The following ST8SIA1 variants were observed in gnomAD, a reference collection of about 807,000 sequenced individuals.
ST8SIA1 encodes the protein ST8 alpha-N-acetyl-neuraminide alpha-2,8-sialyltransferase 1.
ST8SIA1 carries 16 observed loss-of-function variants against 35.9 expected under a neutral mutation model. The ratio of observed to expected loss-of-function variants is 0.45; its 90% CI spans 0.30 to 0.68. The LOEUF is 0.68. Among genes scored for constraint, ST8SIA1 ranks in the 30% least tolerant of loss-of-function variants. ST8SIA1 has a pLI of 0.09. For missense variants in ST8SIA1, 383 were observed against 453.6 expected, an observed-to-expected ratio of 0.84 and a Z score of 1.41; for synonymous variants, 170 against 169.6, an observed-to-expected ratio of 1.00 and a Z score of -0.02.
intron 1 of ST8SIA1, among the ~76,000 whole-genome samples, chr12:22,291,255 A>G (rs1018163809): frequency 8.5e-5 from 13 of 152,228 alleles, no homozygotes; most frequent in African/African-American, 2.9e-4. Context: ...TATGCCTAGG[A>G]TCAGAGTGAA....
chr12:22,248,197 A>T (rs7312306), intron 4 of ST8SIA1, among the ~76,000 whole-genome samples: 116,552 of 152,080 alleles, frequency 0.77, 44,764 homozygotes, highest in Middle Eastern at 0.87. Flanking sequence ...ACACATGCTG[A>T]TCACTTGGAC....
intron 2 of ST8SIA1, among the ~76,000 whole-genome samples, chr12:22,270,084 C>T (rs747203722): frequency 1.3e-5 from 2 of 152,078 alleles, no homozygotes; most frequent in African/African-American, 2.4e-5. Flanking sequence ...AGCATATTAC[C>T]TAATTTGAAA....
intron 4 of ST8SIA1, among the ~76,000 whole-genome samples, chr12:22,206,137 C>A (rs1865106513): frequency 6.6e-6 from 1 of 152,108 alleles, no homozygotes; most frequent in African/African-American, 2.4e-5. Context: ...AAAGCTCTCA[C>A]CTCCTATGAC....
rs989626446 is a variant in ST8SIA1, at chr12:22,260,092, T to G, written c.382-4703A>C. Among the ~76,000 whole-genome samples, 194 of 152,200 alleles carry G rather than the reference T, an allele frequency of 1.3e-3. 4 individuals are homozygous for G. Among genetic ancestry groups the G allele is most frequent in the Non-Finnish European group, 2.9e-5 (2 of 68,006 alleles). On this transcript the variant is annotated intron_variant, in intron 2 of 4. Coordinates refer to ENST00000396037, the MANE Select transcript of ST8SIA1 (RefSeq NM_003034.4). ...CACTCTTGCTAACCTTAAAAAAATCTACTCTAAATGCAAGGATAGATTAGA... is the reference window on the plus strand; with the variant it reads ...CACTCTTGCTAACCTTAAAAAAATCGACTCTAAATGCAAGGATAGATTAGA...
At chr12:22,248,091 C>T (rs557912805) in intron 4 of ST8SIA1, among the ~76,000 whole-genome samples, 7 of 152,138 alleles carry the variant, frequency 4.6e-5, no homozygotes, top group Non-Finnish European at 8.8e-5. Flanking sequence ...TTAACAATAT[C>T]TCCCAAAATT....
intron 2 of ST8SIA1, among the ~76,000 whole-genome samples, chr12:22,282,347 CAT>C (rs1470171185): frequency 6.6e-6 from 1 of 152,156 alleles, no homozygotes; most frequent in Non-Finnish European, 1.5e-5. Flanking sequence ...AGCGAGATAA[CAT>C]GTGAAGAAAC....
chr12:22,297,392 C>T (rs575544328), intron 1 of ST8SIA1, among the ~76,000 whole-genome samples: 32 of 150,724 alleles, frequency 2.1e-4, no homozygotes, highest in Non-Finnish European at 4.0e-4. Flanking sequence ...AGCGTCTGTC[C>T]TGAAATTTTT....
rs370165749 is a variant in ST8SIA1, at chr12:22,232,579, T to A, written c.584+16427A>T. On this transcript the variant is annotated intron_variant, in intron 4 of 4. Coordinates refer to ENST00000396037, the MANE Select transcript of ST8SIA1 (RefSeq NM_003034.4). Reference sequence around the variant, plus strand: ...CCAAGCTGGGAGTTAGGTATATGAGTCTGGAGATAAAAGAATAGGTCTCAG... The same window carrying A: ...CCAAGCTGGGAGTTAGGTATATGAGACTGGAGATAAAAGAATAGGTCTCAG... 1.4e-4 allele frequency among the ~76,000 whole-genome samples: 21 copies of A among 152,186 alleles called. 1 individual carries two copies. Among genetic ancestry groups the A allele is most frequent in the South Asian group, 1.2e-3 (6 of 4,822 alleles).
At chr12:22,209,612 T>C (rs1002397674) in intron 4 of ST8SIA1, among the ~76,000 whole-genome samples, 5 of 152,300 alleles carry the variant, frequency 3.3e-5, no homozygotes, top group South Asian at 2.1e-4. Flanking sequence ...TGACCCTGCA[T>C]TTCCAGTTCT....
At chr12:22,257,140 C>T (rs547998571) in intron 2 of ST8SIA1, among the ~76,000 whole-genome samples, 1 of 151,942 alleles carries the variant, frequency 6.6e-6, no homozygotes, top group African/African-American at 2.4e-5. Context: ...GATGGTGACA[C>T]GAGCTTTGGA....
intron 1 of ST8SIA1, among the ~76,000 whole-genome samples, chr12:22,312,728 A>C (rs35520685): frequency 1.3e-5 from 2 of 151,618 alleles, no homozygotes; most frequent in Non-Finnish European, 2.9e-5. Context: ...AAAAAAAAAA[A>C]CAATAAATTT....
chr12:22,298,485 C>A (rs1184551104), intron 1 of ST8SIA1, among the ~76,000 whole-genome samples: 1 of 152,172 alleles, frequency 6.6e-6, no homozygotes, highest in African/African-American at 2.4e-5. Flanking sequence ...AGGGAGAAAT[C>A]CCCACACATT....
intron 4 of ST8SIA1, among the ~76,000 whole-genome samples, chr12:22,207,224 A>T (rs35486967): frequency 0.11 from 16,190 of 152,258 alleles, 1,109 homozygotes; most frequent in Middle Eastern, 0.21. Context: ...GAAAATTTAC[A>T]TGTGGACAGG....
At chr12:22,278,413 G>C (rs1434982899) in intron 2 of ST8SIA1, among the ~76,000 whole-genome samples, 1 of 152,114 alleles carries the variant, frequency 6.6e-6, no homozygotes, top group Non-Finnish European at 1.5e-5. Flanking sequence ...CTGACCTTGG[G>C]TGTCATAGTC....
chr12:22,324,817 T>C (rs1866654188), intron 1 of ST8SIA1: 1 of 152,140 alleles, frequency 6.6e-6, no homozygotes, highest in Non-Finnish European at 1.5e-5. Flanking sequence ...GTCAGCAGCA[T>C]AATCTTTTTT....
chr12:22,310,430 G>A (rs1035073982), intron 1 of ST8SIA1, among the ~76,000 whole-genome samples: 14 of 152,244 alleles, frequency 9.2e-5, no homozygotes, highest in Middle Eastern at 6.8e-3. Flanking sequence ...TTCCCCCTGT[G>A]ACTGAGCAAG....
intron 1 of ST8SIA1, among the ~76,000 whole-genome samples, chr12:22,320,957 G>GAAAGAA (rs1458108019): frequency 2.4e-5 from 2 of 83,286 alleles, no homozygotes; most frequent in Non-Finnish European, 4.8e-5. Context: ...AAGAAAGAAA[G>GAAAGAA]AGAAAGAAAG....
rs1447359238 is a variant in ST8SIA1 at position 22,193,843 on chromosome 12, CAGATT to C, written c.*7704_*7708del. ...ATTATTATATCCATGAACTAGTAGT[CAGATT>C]ATATTATATGAGAAAAAATAATGTT... On this transcript the variant is annotated 3_prime_UTR_variant, in exon 5 of 5. Coordinates refer to ENST00000396037, the MANE Select transcript of ST8SIA1 (RefSeq NM_003034.4). 1 of 151,740 alleles carries C rather than the reference CAGATT, an allele frequency of 6.6e-6. No homozygotes were observed. The highest frequency in any genetic ancestry group is 1.9e-4 in the East Asian group (1 of 5,172). 9.4% of individuals were successfully genotyped at this position (151,740 alleles called of 1,614,324 possible).
intron 4 of ST8SIA1, among the ~76,000 whole-genome samples, chr12:22,235,272 A>C: frequency 6.6e-6 from 1 of 152,362 alleles, no homozygotes; most frequent in African/African-American, 2.4e-5. Flanking sequence ...TTTTTAAAAT[A>C]AAAATATTGT....
Sources: gnomAD v4.1 joint callset for allele counts (sites outside exome capture counted in the v4.1 genomes callset) on GRCh38, gnomAD v4.1.1 for gene constraint, MANE v1.5 for transcripts, NCBI Gene and HGNC (gene_info 2026-07-23, HGNC 2026-07-21) for gene names.